The following DOCK8 variants were observed in gnomAD, a reference collection of about 807,000 sequenced individuals.
The protein encoded by DOCK8 is dedicator of cytokinesis 8.
A neutral mutation model predicts 245.6 loss-of-function variants in DOCK8; 141 were observed. The ratio of observed to expected loss-of-function variants is 0.57; its 90% CI spans 0.50 to 0.66. The LOEUF (loss-of-function observed/expected upper bound fraction) is 0.66. Ranked by LOEUF, DOCK8 falls within the 30% of genes least tolerant of loss-of-function variation. DOCK8 has a pLI of 0.00. For missense variants in DOCK8, 2,965 were observed against 2,603.4 expected (o/e 1.14, Z -3.02); for synonymous variants, 1,168 against 970.2 (o/e 1.20, Z -3.79).
chr9:400,185 CTTCACCATCACCAT>C, intron 26 of DOCK8, among the ~76,000 whole-genome samples: 1 of 112,506 alleles, frequency 8.9e-6, no homozygotes, highest in African/African-American at 3.6e-5. Context: ...TCACCACCTC[CTTCACCATCACCAT>C]CACCACCACC....
In DOCK8 at chr9:382,693, A is replaced by G. The variant is rs2053772994; in HGVS notation, c.2778+8A>G. On this transcript the variant is annotated splice_region_variant and intron_variant, in intron 22 of 47. Transcript: ENST00000432829. ...AACATCATGTCTTCAAAGGTAGGAA[A>G]GATGTCAAACCGTGGAAGGGGACAC... 6.2e-7 allele frequency: 1 copy of G among 1,614,166 alleles called. No individual in the cohort carries two copies. Among genetic ancestry groups the G allele is most frequent in the Non-Finnish European group, 8.5e-7 (1 of 1,180,016 alleles).
intron 1 of DOCK8, among the ~76,000 whole-genome samples, chr9:217,223 C>T (rs2046776652): frequency 6.6e-6 from 1 of 152,130 alleles, no homozygotes; most frequent in South Asian, 2.1e-4. Context: ...TCTTAGTTGC[C>T]ATCATTAACA....
In DOCK8 at chr9:393,453, C is replaced by T. The variant is rs549272043; in HGVS notation, c.2970+2887C>T. 5.9e-5 allele frequency among the ~76,000 whole-genome samples: 9 copies of T among 152,298 alleles called. No individual in the cohort carries two copies. The East Asian group carries it at 1.7e-3, about 29-fold the overall frequency. ...ATGTAATCATTATGCAATCTTGAGG[C>T]AGGAGGAACTTTTATTATCCCAAAT... On this transcript the variant is annotated intron_variant, in intron 24 of 47. Coordinates refer to ENST00000432829, the MANE Select transcript of DOCK8 (RefSeq NM_203447.4).
At chr9:223,784 A>G (rs1467883685) in intron 1 of DOCK8, among the ~76,000 whole-genome samples, 3 of 151,952 alleles carry the variant, frequency 2.0e-5, no homozygotes, top group African/African-American at 7.3e-5. Context: ...TTTTTTAATT[A>G]AAAAAGAGAA....
intron 28 of DOCK8, among the ~76,000 whole-genome samples, chr9:411,079 A>G (rs1323689107): frequency 1.3e-5 from 2 of 152,202 alleles, no homozygotes; most frequent in African/African-American, 4.8e-5. Flanking sequence ...TTGAGTTAGT[A>G]ATCAAACTTC....
In DOCK8 at chr9:420,582, A is replaced by C; in HGVS notation, c.4022A>C (p.Lys1341Thr). 1 of 1,614,182 alleles carries C rather than the reference A, an allele frequency of 6.2e-7. No individual in the cohort carries two copies. The stretch of plus-strand genomic sequence containing the variant: ...ATCTGTGTGTTATGTTTTGAGTATA[A>C]GGTAAGTCTGGAGTGGCACAACTTT... ...LFICVLCFEY[K>T]GKQSSDKVST... The change falls in exon 31 of 48, where the codon AAG (lysine) becomes ACG (threonine). Residue 1341 changes from lysine to threonine, a missense_variant and splice_region_variant. Lys to Thr is a moderately conservative substitution (Grantham distance 78). Transcript: ENST00000432829.
intron 4 of DOCK8, among the ~76,000 whole-genome samples, chr9:290,943 G>A (rs1056857415): frequency 7.9e-5 from 12 of 152,170 alleles, no homozygotes; most frequent in Admixed American, 7.9e-4. Flanking sequence ...AAAAGAGAAA[G>A]CATTCATTAT....
At chr9:437,733 G>A (rs890007701) in intron 39 of DOCK8, among the ~76,000 whole-genome samples, 23 of 152,160 alleles carry the variant, frequency 1.5e-4, no homozygotes, top group Non-Finnish European at 2.8e-4. Flanking sequence ...AAATAACTTT[G>A]AGGTCACTGA....
At chr9:350,613 C>G (rs537380314) in intron 14 of DOCK8, among the ~76,000 whole-genome samples, 6 of 152,136 alleles carry the variant, frequency 3.9e-5, no homozygotes, top group South Asian at 2.1e-4. Flanking sequence ...AGCCAACCCA[C>G]GGAGGAAGGA....
intron 1 of DOCK8, among the ~76,000 whole-genome samples, chr9:252,164 G>A (rs2047666202): frequency 6.6e-6 from 1 of 151,688 alleles, no homozygotes; most frequent in African/African-American, 2.4e-5. Flanking sequence ...AACATAGACG[G>A]GGGTCTCACC....
intron 4 of DOCK8, among the ~76,000 whole-genome samples, chr9:291,277 T>G (rs184246912): frequency 6.6e-6 from 1 of 152,250 alleles, no homozygotes; most frequent in East Asian, 1.9e-4. Context: ...TTTTTCTTGA[T>G]CTTGCACAAA....
intron 8 of DOCK8, among the ~76,000 whole-genome samples, chr9:326,572 C>A (rs1254777107): frequency 2.0e-5 from 3 of 152,204 alleles, no homozygotes; most frequent in African/African-American, 4.8e-5. Context: ...GCTGAAGCTA[C>A]TGGTCAGGGG....
chr9:251,980 T>C (rs1368134388), intron 1 of DOCK8, among the ~76,000 whole-genome samples: 3 of 148,412 alleles, frequency 2.0e-5, no homozygotes, highest in Non-Finnish European at 4.5e-5. Context: ...TTCTTTTTTT[T>C]TTTTTTTTTT....
chr9:347,525 C>G (rs1056402750), intron 14 of DOCK8, among the ~76,000 whole-genome samples: 3 of 152,122 alleles, frequency 2.0e-5, no homozygotes, highest in African/African-American at 7.2e-5. Context: ...ACAAAAAACT[C>G]TGTCCTAAGT....
upstream of DOCK8, among the ~76,000 whole-genome samples, chr9:211,586 A>C (rs191695135): frequency 3.3e-5 from 5 of 152,264 alleles, no homozygotes; most frequent in Admixed American, 6.5e-5. Context: ...CCACTGTGAG[A>C]ACAGTGATAT....
At chr9:451,204 G>A (rs2057420799) in intron 45 of DOCK8, among the ~76,000 whole-genome samples, 1 of 151,992 alleles carries the variant, frequency 6.6e-6, no homozygotes, top group Non-Finnish European at 1.5e-5. Flanking sequence ...CCCAGTACTT[G>A]GGAGGCTGAG....
intron 42 of DOCK8, 71 bp from the exon 43 acceptor site, chr9:443,356 C>A: frequency 1.4e-6 from 2 of 1,445,876 alleles, no homozygotes; most frequent in Non-Finnish European, 1.9e-6. Context: ...AAACTTATTT[C>A]ACTTCCAAGA....
intron 1 of DOCK8, among the ~76,000 whole-genome samples, chr9:226,128 C>A (rs1157834202): frequency 1.3e-5 from 2 of 152,186 alleles, no homozygotes; most frequent in Non-Finnish European, 2.9e-5. Flanking sequence ...AATGGACTTA[C>A]AGTTCCACAT....
chr9:368,708 A>G (rs1563972898), intron 15 of DOCK8: 2 of 151,770 alleles, frequency 1.3e-5, no homozygotes, highest in Admixed American at 6.6e-5. Flanking sequence ...GGAACTCAAA[A>G]TGCCAGAATT....
Sources: gnomAD v4.1 joint callset for allele counts (sites outside exome capture counted in the v4.1 genomes callset) on GRCh38, gnomAD v4.1.1 for gene constraint, MANE v1.5 for transcripts, NCBI Gene and HGNC (gene_info 2026-07-23, HGNC 2026-07-21) for gene names.